STYK1: variants seen among roughly 807,000 people sequenced by gnomAD.
STYK1 encodes STY kinase 1, also known as tyrosine-protein kinase STYK1.
Under a neutral mutation model 48.1 loss-of-function variants are expected in STYK1, and 46 were observed. The ratio of observed to expected loss-of-function variants is 0.96; its 90% confidence interval spans 0.75 to 1.22. STYK1 has a LOEUF of 1.22. Ranked by LOEUF, STYK1 falls within the 50% of genes most tolerant of loss-of-function variation. The probability of loss-of-function intolerance (pLI) is 0.00; values close to 1 mark genes in which losing one functional copy is unlikely to be tolerated. For missense variants in STYK1, 527 were observed against 521.1 expected, an observed-to-expected ratio of 1.01 and a Z score of -0.11; for synonymous variants, 188 against 189.0, an observed-to-expected ratio of 0.99 and a Z score of 0.04.
chr12:10,634,585 G>A lies in STYK1; in HGVS notation c.34C>T (p.Leu12Phe). The A allele has an allele frequency of 6.2e-7, 1 of 1,614,090 alleles. No individual in the cohort carries two copies. Among genetic ancestry groups the A allele is most frequent in the Non-Finnish European group, 8.5e-7 (1 of 1,180,008 alleles). Residue 12 changes from leucine to phenylalanine, a missense_variant, in exon 3 of 11, where the codon CTC (leucine) becomes TTC (phenylalanine). By Grantham distance (22) the Leu-to-Phe change is conservative. Transcript: ENST00000075503. ...GMTRMLLECSLSDKLCVIQEK... is the reference protein window; with the variant it reads ...GMTRMLLECSFSDKLCVIQEK... ...TACTTACCACACAACTTGTCACTGA[G>A]ACTGCATTCCAGGAGCATCCGTGTC...
intron 2 of STYK1, among the ~76,000 whole-genome samples, chr12:10,635,503 G>C (rs1343703335): frequency 6.6e-6 from 1 of 152,122 alleles, no homozygotes; most frequent in East Asian, 1.9e-4. Context: ...ATCAGATATA[G>C]ACACGGACAC....
chr12:10,621,997 C>CT, intron 9 of STYK1, 25 bp from the exon 10 acceptor site: 2 of 1,592,226 alleles, frequency 1.3e-6, no homozygotes, highest in Non-Finnish European at 1.7e-6. Flanking sequence ...ATAATGAGAA[C>CT]TTTAAGGTCC....
chr12:10,623,493 A>G (rs1250386998), intron 8 of STYK1, among the ~76,000 whole-genome samples: 1 of 152,172 alleles, frequency 6.6e-6, no homozygotes, highest in Admixed American at 6.5e-5. Context: ...GTTAATGCCA[A>G]TTTTACATGT....
Position 10,621,931 on chromosome 12 carries a change from C to G in STYK1, c.1009G>C (p.Glu337Gln), listed in dbSNP as rs1375969540. The part of the protein sequence containing the change: ...YPEVPPTSIL[E>Q]HLQRRKIMKR... ...ATGATTTTCCTTCTTTGGAGATGCT[C>G]TAGGATGCTGGTAGGAGGGACTTCA... Residue 337 changes from glutamate to glutamine, a missense_variant, in exon 10 of 11, where the codon GAG becomes CAG. Physicochemically the swap from Glu to Gln is conservative, Grantham distance 29. Coordinates refer to ENST00000075503, the MANE Select transcript of STYK1 (RefSeq NM_018423.3). 3 of 1,613,888 alleles carry G rather than the reference C, an allele frequency of 1.9e-6. No individual in the cohort carries two copies. The highest frequency in any genetic ancestry group is 2.5e-6 in the Non-Finnish European group (3 of 1,179,846).
intron 1 of STYK1, among the ~76,000 whole-genome samples, chr12:10,671,259 G>T (rs1442378920): frequency 6.6e-6 from 1 of 152,016 alleles, no homozygotes; most frequent in Non-Finnish European, 1.5e-5. Context: ...CTCCCAAAGT[G>T]CTGGGATTAA....
At chr12:10,629,706 A>T (rs373430498) in intron 5 of STYK1, 32 bp from the exon 6 acceptor site, 6 of 1,613,558 alleles carry the variant, frequency 3.7e-6, no homozygotes, top group Non-Finnish European at 5.1e-6. Context: ...GGCAGTGAGC[A>T]GTCAGAGCAT....
chr12:10,624,783 G>A lies in STYK1; in HGVS notation c.794C>T (p.Ala265Val). ...AGCCAGGCCTAATCCACAGAGCTTA[G>A]CAGTGAGATCACTTTGCATCAGAAT... is the stretch of plus-strand genomic sequence containing the variant. ...RNILMQSDLT[A>V]KLCGLGLAYE... is the part of the protein sequence containing the mutation. The change falls in exon 8 of 11, where the codon GCT becomes GTT. Residue 265 changes from alanine (A) to valine (V), a missense_variant. By Grantham distance (64) the Ala-to-Val change is moderately conservative. Coordinates refer to ENST00000075503, the MANE Select transcript of STYK1 (RefSeq NM_018423.3). The A allele has an allele frequency of 6.2e-7, 1 of 1,614,096 alleles. No homozygotes were observed.
At chr12:10,665,099 T>C (rs920855523) in intron 1 of STYK1, among the ~76,000 whole-genome samples, 2 of 152,154 alleles carry the variant, frequency 1.3e-5, no homozygotes, top group African/African-American at 4.8e-5. Context: ...TCAAGGTCAC[T>C]TGGGGTTATG....
intron 6 of STYK1, 102 bp downstream of exon 6, chr12:10,629,391 T>C (rs1947395086): frequency 4.1e-6 from 5 of 1,223,326 alleles, no homozygotes; most frequent in Admixed American, 2.0e-5. Flanking sequence ...CATGCTATTA[T>C]AGTGTCTCTG....
chr12:10,657,947 T>C (rs1399449837), intron 1 of STYK1, among the ~76,000 whole-genome samples: 8 of 152,176 alleles, frequency 5.3e-5, no homozygotes, highest in Admixed American at 3.3e-4. Context: ...GGAATGTGAA[T>C]TTTTTTTAGC....
chr12:10,653,211 T>C (rs1469965861), intron 1 of STYK1, among the ~76,000 whole-genome samples: 1 of 151,402 alleles, frequency 6.6e-6, no homozygotes, highest in African/African-American at 2.4e-5. Flanking sequence ...TAGCTGGGAC[T>C]ACAGGTGCCC....
Position 10,620,215 on chromosome 12 carries a change from C to A in STYK1, c.1198G>T (p.Val400Leu), listed in dbSNP as rs55766125. The change falls in exon 11 of 11, where the codon GTA (valine) becomes TTA (leucine). Residue 400 changes from valine (V) to leucine (L), a missense_variant. By Grantham distance (32) the Val-to-Leu change is conservative. Coordinates refer to ENST00000075503, the MANE Select transcript of STYK1 (RefSeq NM_018423.3). ...GCCACAGCTGCATACAGTTCAGGTACCACCAACTCTGGTACTTGTAACACA... is the reference window on the plus strand; with the variant it reads ...GCCACAGCTGCATACAGTTCAGGTAACACCAACTCTGGTACTTGTAACACA... Reference protein sequence around the residue: ...EAVLQVPELVVPELYAAVAGI... With the variant: ...EAVLQVPELVLPELYAAVAGI... The A allele has an allele frequency of 1.1e-5, 17 of 1,614,204 alleles. No homozygotes were observed. Among genetic ancestry groups the A allele is most frequent in the Admixed American group, 3.3e-5 (2 of 60,028 alleles).
chr12:10,663,523 T>C (rs531351850), intron 1 of STYK1, among the ~76,000 whole-genome samples: 128 of 134,714 alleles, frequency 9.5e-4, no homozygotes, highest in East Asian at 9.1e-4. Flanking sequence ...GGCGTGAACC[T>C]GGGAGGCGGA....
Position 10,619,847 on chromosome 12 carries a change from G to C in STYK1, c.*297C>G. 2.3e-6 allele frequency: 1 copy of C among 438,866 alleles called. No homozygotes were observed. The highest frequency in any genetic ancestry group is 4.0e-6 in the Non-Finnish European group (1 of 250,038). 27.2% of individuals were successfully genotyped at this position (438,866 alleles called of 1,614,324 possible). A position where few individuals can be genotyped will look rare whatever the true frequency, so the allele number is the denominator to read the frequency against. On this transcript the variant is annotated 3_prime_UTR_variant, in exon 11 of 11. Coordinates refer to ENST00000075503, the MANE Select transcript of STYK1 (RefSeq NM_018423.3). ...GGACGGGAGGGATGAGCTTATTTGT[G>C]CCATGCCCCAACAAATACTGCAGAG...
Position 10,672,781 on chromosome 12 carries a change from ACT to A in STYK1, c.-195+1183_-195+1184del, listed in dbSNP as rs1947903738. ...TACCTTGTTACAGCAGCCCTAGCAA[ACT>A]CACACAGTAATGGAGGCACTGAACG... is the stretch of plus-strand genomic sequence containing the variant. On this transcript the variant is annotated intron_variant, in intron 1 of 10. Coordinates refer to ENST00000075503, the MANE Select transcript of STYK1 (RefSeq NM_018423.3). The surrounding 1 kb of genome is among the most constrained non-coding windows in gnomAD (Gnocchi z 4.0). 6.6e-6 allele frequency among the ~76,000 whole-genome samples: 1 copy of A among 152,178 alleles called. No homozygotes were observed.
intron 4 of STYK1, among the ~76,000 whole-genome samples, chr12:10,631,660 G>A (rs1322925920): frequency 6.6e-6 from 1 of 152,192 alleles, no homozygotes; most frequent in African/African-American, 2.4e-5. Context: ...GCCTAAAGGT[G>A]GAGGTAACTG....
chr12:10,636,496 G>T (rs1299686912), intron 2 of STYK1, among the ~76,000 whole-genome samples: 1 of 152,198 alleles, frequency 6.6e-6, no homozygotes, highest in Non-Finnish European at 1.5e-5. Flanking sequence ...AAGGAGAAAT[G>T]TGGCTGAGAA....
intron 1 of STYK1, among the ~76,000 whole-genome samples, chr12:10,667,113 C>G (rs1228528450): frequency 6.6e-6 from 1 of 152,068 alleles, no homozygotes; most frequent in Non-Finnish European, 1.5e-5. Flanking sequence ...ATACTGTTAT[C>G]TAACAATTTT....
At chr12:10,640,652 T>C (rs1246271617) in intron 1 of STYK1, 2 of 152,188 alleles carry the variant, frequency 1.3e-5, no homozygotes, top group African/African-American at 2.4e-5. Context: ...ACAGATCTTT[T>C]GACTCACTGG....
Sources: allele counts gnomAD v4.1 joint callset (sites outside exome capture counted in the v4.1 genomes callset), GRCh38; gene constraint gnomAD v4.1.1; non-coding constraint Gnocchi (gnomAD v3.1); transcripts MANE v1.5; gene names NCBI Gene and HGNC (gene_info 2026-07-23, HGNC 2026-07-21).